Variants in DPP6 observed in about 807,000 individuals in gnomAD.
The protein encoded by DPP6 is dipeptidyl peptidase like 6.
A neutral mutation model predicts 122.6 loss-of-function variants in DPP6; 69 were observed. That is an observed-to-expected ratio of 0.56 (90% CI 0.46 to 0.69). The LOEUF is 0.69. DPP6 is among the 30% of genes least tolerant of loss of function. DPP6 has a pLI of 0.00. For missense variants in DPP6, 928 were observed against 1,116.9 expected (o/e 0.83, Z 2.41); for synonymous variants, 418 against 433.1 (o/e 0.97, Z 0.43).
intron 4 of DPP6, among the ~76,000 whole-genome samples, chr7:154,558,404 T>C (rs62477165): frequency 0.12 from 18,580 of 152,222 alleles, 1,366 homozygotes; most frequent in Admixed American, 0.16. Context: ...AAGTTTATTC[T>C]AACCATGAGA....
At chr7:154,828,101 G>A (rs1800323793) in intron 16 of DPP6, among the ~76,000 whole-genome samples, 1 of 152,136 alleles carries the variant, frequency 6.6e-6, no homozygotes, top group Non-Finnish European at 1.5e-5. Flanking sequence ...GGGGTGTGAA[G>A]ATTAGCCTGT....
chr7:154,763,592 A>G (rs1213175582), intron 8 of DPP6, among the ~76,000 whole-genome samples: 2 of 152,114 alleles, frequency 1.3e-5, no homozygotes, highest in Non-Finnish European at 2.9e-5. Context: ...GCTCCTAATA[A>G]AAATGCATCC....
chr7:154,278,474 C>T (rs915709449), intron 1 of DPP6, among the ~76,000 whole-genome samples: 3 of 152,140 alleles, frequency 2.0e-5, no homozygotes, highest in South Asian at 2.1e-4. Flanking sequence ...TGCAAAATGA[C>T]GATGGAAATA....
chr7:154,698,353 T>A (rs1164986153), intron 7 of DPP6, among the ~76,000 whole-genome samples: 2 of 152,182 alleles, frequency 1.3e-5, no homozygotes, highest in Non-Finnish European at 1.5e-5. Flanking sequence ...TCTAAGATGT[T>A]CCTTGAGTGG....
At chr7:154,705,481 G>A (rs1246607238) in intron 7 of DPP6, among the ~76,000 whole-genome samples, 1 of 152,184 alleles carries the variant, frequency 6.6e-6, no homozygotes, top group Non-Finnish European at 1.5e-5. Context: ...GGGACCCTGA[G>A]GTCTGTATCA....
chr7:154,547,394 T>A (rs1006370794), intron 4 of DPP6, among the ~76,000 whole-genome samples: 4 of 152,204 alleles, frequency 2.6e-5, no homozygotes, highest in Non-Finnish European at 5.9e-5. Flanking sequence ...ATTTCTGGCG[T>A]CTCTTGAAAA....
chr7:153,927,733 A>T (rs1473317365), intron 1 of DPP6, among the ~76,000 whole-genome samples: 2 of 152,190 alleles, frequency 1.3e-5, no homozygotes, highest in Non-Finnish European at 2.9e-5. Flanking sequence ...ACTTTGTCTT[A>T]GTCCCTCAGG....
the DPP6 span, among the ~76,000 whole-genome samples, chr7:153,768,713 A>T: frequency 1.3e-5 from 2 of 152,166 alleles, no homozygotes; most frequent in African/African-American, 4.8e-5. Flanking sequence ...TGAAAAAATG[A>T]TTTTTAAATA....
intron 7 of DPP6, among the ~76,000 whole-genome samples, chr7:154,703,618 C>CAAA: frequency 8.5e-6 from 1 of 117,428 alleles, no homozygotes; most frequent in Non-Finnish European, 1.9e-5. Flanking sequence ...CACTCTGTCT[C>CAAA]AAAAAAAAAA....
chr7:154,748,892 A>G (rs1184524376), intron 8 of DPP6, among the ~76,000 whole-genome samples: 2 of 152,230 alleles, frequency 1.3e-5, no homozygotes, highest in East Asian at 3.8e-4. Context: ...GCATTTGGGT[A>G]TTTCCAGGTG....
chr7:154,336,471 C>T (rs780460377), intron 1 of DPP6, among the ~76,000 whole-genome samples: 4 of 152,060 alleles, frequency 2.6e-5, no homozygotes, highest in African/African-American at 4.8e-5. Flanking sequence ...GCCACACGGC[C>T]GCCACTCCTG....
chr7:153,750,098 T>C, the DPP6 span, among the ~76,000 whole-genome samples: 16 of 152,210 alleles, frequency 1.1e-4, no homozygotes, highest in African/African-American at 3.4e-4. Flanking sequence ...TGTTCGGAGT[T>C]GAAGTGAGTA....
In DPP6 at chr7:154,590,462, T is replaced by C. The variant is rs144813528; in HGVS notation, c.627+23546T>C. On this transcript the variant is annotated intron_variant, in intron 5 of 25. Transcript: ENST00000377770. Reference sequence around the variant, plus strand: ...TTCTCAGCAGCGGGTAGGTCCGTGTTATGTTTGCATTTGAAGTAGAAGAGC... The same window carrying C: ...TTCTCAGCAGCGGGTAGGTCCGTGTCATGTTTGCATTTGAAGTAGAAGAGC... 6.7e-3 allele frequency among the ~76,000 whole-genome samples: 1,013 copies of C among 150,738 alleles called. 5 individuals carry two copies. Among genetic ancestry groups the C allele is most frequent in the Non-Finnish European group, 0.012 (787 of 67,852 alleles).
At chr7:154,111,474 T>C (rs1806569727) in intron 1 of DPP6, among the ~76,000 whole-genome samples, 1 of 152,202 alleles carries the variant, frequency 6.6e-6, no homozygotes, top group Admixed American at 6.5e-5. Context: ...ACATTATCAG[T>C]CCTATCACCG....
chr7:154,775,920 A>T (rs1341777995), intron 10 of DPP6, among the ~76,000 whole-genome samples: 1 of 152,038 alleles, frequency 6.6e-6, no homozygotes, highest in Non-Finnish European at 1.5e-5. Flanking sequence ...ACCTTCCAGG[A>T]TCCCCGGCCT....
At chr7:154,540,707 C>A in intron 4 of DPP6, 81 bp downstream of exon 4, 1 of 799,000 alleles carries the variant, frequency 1.3e-6, no homozygotes, top group Non-Finnish European at 2.0e-6. Flanking sequence ...CTTTTGGTTT[C>A]AACTTTTAGC....
intron 1 of DPP6, among the ~76,000 whole-genome samples, chr7:153,889,881 A>G (rs1029521000): frequency 4.6e-5 from 7 of 152,218 alleles, no homozygotes; most frequent in African/African-American, 1.7e-4. Context: ...ATTGATAATT[A>G]TGGCTCCACA....
At chr7:154,873,867 C>T (rs1332289684) in intron 19 of DPP6, among the ~76,000 whole-genome samples, 1 of 136,844 alleles carries the variant, frequency 7.3e-6, no homozygotes, top group Non-Finnish European at 1.7e-5. Context: ...TGCACACACA[C>T]CCACAGGCAC....
At chr7:154,530,170 A>C (rs1342143928) in intron 3 of DPP6, among the ~76,000 whole-genome samples, 1 of 152,144 alleles carries the variant, frequency 6.6e-6, no homozygotes, top group East Asian at 1.9e-4. Context: ...GAAATTATTC[A>C]AAATGAACAG....
Sources: allele counts gnomAD v4.1 joint callset (sites outside exome capture counted in the v4.1 genomes callset), GRCh38; gene constraint gnomAD v4.1.1; transcripts MANE v1.5; gene names NCBI Gene and HGNC (gene_info 2026-07-23, HGNC 2026-07-21).